The following KBTBD4 variants were observed in gnomAD, a reference collection of about 807,000 sequenced individuals.
The protein encoded by KBTBD4 is kelch repeat and BTB domain containing 4.
A neutral mutation model predicts 43.9 loss-of-function variants in KBTBD4; 30 were observed. The observed-to-expected ratio is 0.68, with a 90% CI of 0.51 to 0.93. KBTBD4 has a LOEUF of 0.93. Ranked by LOEUF, KBTBD4 falls within the 40% of genes least tolerant of loss-of-function variation. The pLI is 0.00. For missense variants in KBTBD4, 575 were observed against 668.8 expected (o/e 0.86, Z 1.55); for synonymous variants, 258 against 256.9 (o/e 1.00, Z -0.04).
At position 47,572,724 on chromosome 11, in the gene KBTBD4, GCCT is replaced by G; in HGVS notation, c.*203_*205del. Reference sequence around the variant, plus strand: ...CTAGGGAATGGCAGAGAACAGGCTGGCCTACTGTCAGTTCAAGCAACCAGCTGA... The same window carrying G: ...CTAGGGAATGGCAGAGAACAGGCTGGACTGTCAGTTCAAGCAACCAGCTGA... On this transcript the variant is annotated 3_prime_UTR_variant, in exon 4 of 4. Coordinates refer to ENST00000430070, the MANE Select transcript of KBTBD4 (RefSeq NM_018095.6). 1.7e-6 allele frequency: 1 copy of G among 596,778 alleles called. No individual in the cohort carries two copies. The highest frequency in any genetic ancestry group is 2.9e-6 in the Non-Finnish European group (1 of 339,706). 37.0% of individuals were successfully genotyped at this position (596,778 alleles called of 1,614,324 possible). A position where few individuals can be genotyped will look rare whatever the true frequency, so the allele number is the denominator to read the frequency against.
rs1174605077 is a variant in KBTBD4 at position 47,573,640 on chromosome 11, G to A, written c.895C>T (p.His299Tyr). The change falls in exon 4 of 4, where the codon CAT (histidine) becomes TAT (tyrosine). Residue 299 changes from histidine (H) to tyrosine (Y), a missense_variant. By Grantham distance (83) the His-to-Tyr change is moderately conservative. Coordinates refer to ENST00000430070, the MANE Select transcript of KBTBD4 (RefSeq NM_018095.6). The surrounding 1 kb of genome is among the most constrained non-coding windows in gnomAD (Gnocchi z 4.1). The stretch of plus-strand genomic sequence containing the variant: ...CCCACCACATACAAGTCTCCACCAT[G>A]CTTGCAGGCCGCAGTGATCTGGTGG... ...LCHQITAACK[H>Y]GGDLYVVGGS... 1.2e-6 allele frequency: 2 copies of A among 1,613,900 alleles called. No homozygotes were observed. The highest frequency in any genetic ancestry group is 1.7e-6 in the Non-Finnish European group (2 of 1,180,036).
intron 1 of KBTBD4, chr11:47,578,291 C>T: frequency 1.7e-6 from 1 of 587,672 alleles, no homozygotes; most frequent in Non-Finnish European, 3.0e-6. Context: ...GGAATAATTC[C>T]TTTCCATAAT....
chr11:47,575,129 G>A (rs2097256655), intron 3 of KBTBD4, among the ~76,000 whole-genome samples: 1 of 150,650 alleles, frequency 6.6e-6, no homozygotes, highest in African/African-American at 2.4e-5. Context: ...AAAATAGCCT[G>A]AAACTGGGAA....
rs946178223 is a variant in KBTBD4 at position 47,572,616 on chromosome 11, A to G, written c.*314T>C. ...GGGATCAGGGGTGCTTACATTTAAC[A>G]TTGATCAGGTAAAGAGGAGAGGCTG... On this transcript the variant is annotated 3_prime_UTR_variant, in exon 4 of 4. Coordinates refer to ENST00000430070, the MANE Select transcript of KBTBD4 (RefSeq NM_018095.6). The G allele has an allele frequency of 1.5e-5, 5 of 343,410 alleles. No homozygotes were observed. The highest frequency in any genetic ancestry group is 1.0e-4 in the African/African-American group (5 of 48,326). The allele number at this position is 343,410 out of a possible 1,614,324, so 21.3% of individuals were successfully genotyped here.
At position 47,573,305 on chromosome 11, in the gene KBTBD4, G is replaced by A; in HGVS notation, c.1230C>T (p.Thr410=). ...AGCACTGGATGAGTCGGGAAGGTTT[G>A]GTAAAGAAGTCCAGATCATTCTCCT... ...GGEENDLDFF[T]KPSRLIQCFD... The change falls in exon 4 of 4, where the codon ACC becomes ACT. Residue 410 remains threonine, a synonymous_variant. Transcript: ENST00000430070. This position sits in a 1 kb window ranked among gnomAD's most constrained non-coding sequence, Gnocchi z 4.1. 6.2e-7 allele frequency: 1 copy of A among 1,614,170 alleles called. No homozygotes were observed. The highest frequency in any genetic ancestry group is 2.2e-5 in the East Asian group (1 of 44,876).
Position 47,577,490 on chromosome 11 carries a change from GGC to G in KBTBD4, c.556_557del (p.Ala186GlnfsTer46). 6.2e-7 allele frequency: 1 copy of G among 1,614,062 alleles called. No individual in the cohort carries two copies. Among genetic ancestry groups the G allele is most frequent in the Non-Finnish European group, 8.5e-7 (1 of 1,180,012 alleles). On this transcript the variant is annotated frameshift_variant, in exon 2 of 4. Transcript: ENST00000430070. LOFTEE classifies it high-confidence loss of function. ...PELYTAAKHC[A>X]KTHLAQLQNT... ...TCTGCAGCTGGGCCAGGTGGGTCTT[GGC>G]ACAGTGCTTGGCAGCCGTATAGAGC...
chr11:47,574,740 G>C (rs1341303880), intron 3 of KBTBD4, among the ~76,000 whole-genome samples: 1 of 151,952 alleles, frequency 6.6e-6, no homozygotes, highest in East Asian at 1.9e-4. Flanking sequence ...TGAAATCTCA[G>C]CTACTCGGGA....
Position 47,577,838 on chromosome 11 carries a change from C to G in KBTBD4, c.210G>C (p.Arg70=). ...FADVTISVEG[R]EFQLHRLVLS... Reference sequence around the variant, plus strand: ...GGACCAGCCGATGGAGCTGAAACTCCCGGCCTTCCACCGAAATGGTGACAT... The same window carrying G: ...GGACCAGCCGATGGAGCTGAAACTCGCGGCCTTCCACCGAAATGGTGACAT... Residue 70 remains arginine (R), a synonymous_variant, in exon 2 of 4, where the codon CGG becomes CGC. Coordinates refer to ENST00000430070, the MANE Select transcript of KBTBD4 (RefSeq NM_018095.6). 6.2e-7 allele frequency: 1 copy of G among 1,614,090 alleles called. No individual in the cohort carries two copies. The highest frequency in any genetic ancestry group is 8.5e-7 in the Non-Finnish European group (1 of 1,180,030).
chr11:47,573,603 G>A lies in KBTBD4; in HGVS notation c.932C>T (p.Pro311Leu). ...ATTGTTGCACTTCCACATGCGCCGT[G>A]GGATGGACCCTCCCACCACATACAA... ...GDLYVVGGSI[P>L]RRMWKCNNAT... The change falls in exon 4 of 4, where the codon CCA becomes CTA. Residue 311 changes from proline (P) to leucine (L), a missense_variant. Pro to Leu is a moderately conservative substitution (Grantham distance 98, BLOSUM62 -3). Transcript: ENST00000430070. This position sits in a 1 kb window ranked among gnomAD's most constrained non-coding sequence, Gnocchi z 4.1. The A allele has an allele frequency of 6.2e-7, 1 of 1,614,090 alleles. No homozygotes were observed. The highest frequency in any genetic ancestry group is 8.5e-7 in the Non-Finnish European group (1 of 1,180,022).
At chr11:47,574,753 C>G (rs2097255977) in intron 3 of KBTBD4, among the ~76,000 whole-genome samples, 1 of 151,994 alleles carries the variant, frequency 6.6e-6, no homozygotes, top group Non-Finnish European at 1.5e-5. Context: ...ACTCGGGAGG[C>G]TGAGGCAGAA....
rs1262557322 is a variant in KBTBD4, at chr11:47,573,536, G to C, written c.999C>G (p.Asp333Glu). 6.2e-7 allele frequency: 1 copy of C among 1,614,180 alleles called. No homozygotes were observed. The highest frequency in any genetic ancestry group is 8.5e-7 in the Non-Finnish European group (1 of 1,180,038). ...CAGACACCAGGGTGTGCTGGAGCCG[G>C]TCCCGAGGCAAAGGAGCACACCACT... ...DWEWCAPLPR[D>E]RLQHTLVSVP... Residue 333 changes from aspartate (D) to glutamate (E), a missense_variant, in exon 4 of 4, where the codon GAC becomes GAG. Coordinates refer to ENST00000430070, the MANE Select transcript of KBTBD4 (RefSeq NM_018095.6). This position sits in a 1 kb window ranked among gnomAD's most constrained non-coding sequence, Gnocchi z 4.1.
Position 47,573,897 on chromosome 11 carries a change from T to C in KBTBD4, c.745-107A>G. On this transcript the variant is annotated intron_variant, in intron 3 of 3. Coordinates refer to ENST00000430070, the MANE Select transcript of KBTBD4 (RefSeq NM_018095.6). This position sits in a 1 kb window ranked among gnomAD's most constrained non-coding sequence, Gnocchi z 4.1. Reference sequence around the variant, plus strand: ...GCCCTCACACTTGTTCCTAGCTTTATCATACTACTCTCTAATTACTGTATG... The same window carrying C: ...GCCCTCACACTTGTTCCTAGCTTTACCATACTACTCTCTAATTACTGTATG... 4.0e-6 allele frequency: 4 copies of C among 1,007,092 alleles called. No individual in the cohort carries two copies. The highest frequency in any genetic ancestry group is 5.8e-6 in the Non-Finnish European group (4 of 686,202). 62.4% of individuals were successfully genotyped at this position (1,007,092 alleles called of 1,614,324 possible).
rs201265377 is a variant in KBTBD4, at chr11:47,573,336, C to G, written c.1199G>C (p.Gly400Ala). The G allele has an allele frequency of 2.3e-5, 37 of 1,614,104 alleles. No homozygotes were observed. The highest frequency in any genetic ancestry group is 6.7e-5 in the Admixed American group (4 of 60,002). Residue 400 changes from glycine (G) to alanine (A), a missense_variant, in exon 4 of 4, where the codon GGG becomes GCG. Coordinates refer to ENST00000430070, the MANE Select transcript of KBTBD4 (RefSeq NM_018095.6). The surrounding 1 kb of genome is among the most constrained non-coding windows in gnomAD (Gnocchi z 4.1). ...GAAGTCCAGATCATTCTCCTCCCCCCCTAGTAAGTAGATGATCCCGTTGAG... is the reference window on the plus strand; with the variant it reads ...GAAGTCCAGATCATTCTCCTCCCCCGCTAGTAAGTAGATGATCCCGTTGAG... ...ANLNGIIYLL[G>A]GEENDLDFFT...
chr11:47,575,431 C>T (rs909746232), intron 3 of KBTBD4, 162 bp downstream of exon 3: 26 of 515,194 alleles, frequency 5.0e-5, no homozygotes, highest in Non-Finnish European at 7.4e-5. Flanking sequence ...GGTGTGAACC[C>T]GGGAGGCGGA....
In KBTBD4 at chr11:47,573,185, G is replaced by A. The variant is rs180799402; in HGVS notation, c.1350C>T (p.Ile450=). 104 of 1,614,172 alleles carry A rather than the reference G, an allele frequency of 6.4e-5. No individual in the cohort carries two copies. In the East Asian group the frequency reaches 1.2e-3, roughly 18 times the overall value. ...ACACCAGGGAGTCCCCTTCAGCCAC[G>A]ATGAACACCAGATCTTTATGCACAG... ...HAAVHKDLVF[I]VAEGDSLVCY... Residue 450 remains isoleucine, a synonymous_variant, in exon 4 of 4, where the codon ATC becomes ATT. Coordinates refer to ENST00000430070, the MANE Select transcript of KBTBD4 (RefSeq NM_018095.6). This position sits in a 1 kb window ranked among gnomAD's most constrained non-coding sequence, Gnocchi z 4.1.
intron 1 of KBTBD4, 37 bp from the exon 2 acceptor site, chr11:47,578,065 T>G (rs185955097): frequency 6.2e-7 from 1 of 1,609,938 alleles, no homozygotes; most frequent in East Asian, 2.2e-5. Flanking sequence ...CCTGAGGAAT[T>G]CACAGCCATA....
At chr11:47,578,142 T>A in intron 1 of KBTBD4, 114 bp from the exon 2 acceptor site, 10 of 1,218,792 alleles carry the variant, frequency 8.2e-6, no homozygotes, top group Non-Finnish European at 1.1e-5. Flanking sequence ...TGGGTCCAGA[T>A]TGGCCTTAGT....
intron 1 of KBTBD4, chr11:47,578,244 A>G (rs2097264024): frequency 1.7e-6 from 1 of 595,042 alleles, no homozygotes; most frequent in Non-Finnish European, 3.0e-6. Flanking sequence ...TGATATAAAT[A>G]AAAGTTCCAA....
intron 1 of KBTBD4, chr11:47,578,674 C>T: frequency 2.9e-6 from 3 of 1,023,012 alleles, no homozygotes; most frequent in Non-Finnish European, 4.3e-6. Context: ...TGTGCAATGT[C>T]CCCGCTCCAC....
Sources: gnomAD v4.1 joint callset for allele counts (sites outside exome capture counted in the v4.1 genomes callset) on GRCh38, gnomAD v4.1.1 for gene constraint, Gnocchi (gnomAD v3.1) non-coding constraint, MANE v1.5 for transcripts, NCBI Gene and HGNC (gene_info 2026-07-23, HGNC 2026-07-21) for gene names.